The following DEGS1 variants were observed in gnomAD, a reference collection of about 807,000 sequenced individuals.
DEGS1 encodes the protein delta 4-desaturase, sphingolipid 1.
In DEGS1, 17 loss-of-function variants were observed where a neutral mutation model predicts 24.1. The ratio of observed to expected loss-of-function variants is 0.70; its 90% CI spans 0.48 to 1.06. The LOEUF is 1.06. DEGS1 is among the 50% of genes least tolerant of loss of function. The probability of loss-of-function intolerance (pLI) is 0.00; values close to 1 mark genes in which losing one functional copy is unlikely to be tolerated. For synonymous variants in DEGS1, 134 were observed against 140.0 expected, an observed-to-expected ratio of 0.96 and a Z score of 0.30; for missense variants, 366 against 408.9, an observed-to-expected ratio of 0.90 and a Z score of 0.91.
chr1:224,187,975 T>G (rs1658438181), intron 1 of DEGS1, among the ~76,000 whole-genome samples: 1 of 151,696 alleles, frequency 6.6e-6, no homozygotes, highest in African/African-American at 2.4e-5. Flanking sequence ...TTTTTTAATT[T>G]GTAGAGACAG....
At chr1:224,185,268 A>G (rs959596843) in intron 1 of DEGS1, among the ~76,000 whole-genome samples, 2 of 151,892 alleles carry the variant, frequency 1.3e-5, no homozygotes, top group African/African-American at 2.4e-5. Flanking sequence ...TGGGATTTTA[A>G]AGGCGTAAGC....
intron 1 of DEGS1, among the ~76,000 whole-genome samples, chr1:224,185,558 G>A (rs1005768004): frequency 2.0e-5 from 3 of 152,170 alleles, no homozygotes; most frequent in African/African-American, 4.8e-5. Flanking sequence ...GGAGTGCAGT[G>A]GCCCAGTCTC....
chr1:224,185,166 A>G (rs1460531802), intron 1 of DEGS1, among the ~76,000 whole-genome samples: 1 of 151,962 alleles, frequency 6.6e-6, no homozygotes, highest in Non-Finnish European at 1.5e-5. Flanking sequence ...TGATTTTTCT[A>G]TTTTTTGTAG....
At chr1:224,184,767 T>C (rs1036424316) in intron 1 of DEGS1, among the ~76,000 whole-genome samples, 5 of 152,064 alleles carry the variant, frequency 3.3e-5, no homozygotes, top group Non-Finnish European at 7.4e-5. Context: ...CCGCCCGCCT[T>C]GGCCTCCCGA....
intron 2 of DEGS1, 60 bp from the exon 3 acceptor site, chr1:224,192,272 C>T: frequency 3.4e-6 from 5 of 1,463,292 alleles, no homozygotes; most frequent in Non-Finnish European, 4.6e-6. Flanking sequence ...ATTCATCAGT[C>T]ATCTTTGAAA....
intron 2 of DEGS1, 141 bp from the exon 3 acceptor site, chr1:224,192,191 C>CT (rs1168182331): frequency 0.02 from 10,953 of 555,624 alleles, no homozygotes; most frequent in South Asian, 0.023. Flanking sequence ...GCTGCTGCTG[C>CT]TTTTTTTTTT....
rs1325805310 is a variant in DEGS1 at position 224,190,283 on chromosome 1, T to C, written c.789T>C (p.His263=). 6.7e-7 allele frequency: 1 copy of C among 1,494,134 alleles called. No homozygotes were observed. Among genetic ancestry groups the C allele is most frequent in the East Asian group, 2.3e-5 (1 of 43,052 alleles). 92.6% of individuals were successfully genotyped at this position (1,494,134 alleles called of 1,614,324 possible). A position where few individuals can be genotyped will look rare whatever the true frequency, so the allele number is the denominator to read the frequency against. ...ATGTGGGTTATCATAATGAACATCATGATTTCCCCAACATTCCTGGAAAAA... is the reference window on the plus strand; with the variant it reads ...ATGTGGGTTATCATAATGAACATCACGATTTCCCCAACATTCCTGGAAAAA... ...TFNVGYHNEH[H]DFPNIPGKSL... The change falls in exon 2 of 3, where the codon CAT becomes CAC. Residue 263 remains histidine, a synonymous_variant. Coordinates refer to ENST00000323699, the MANE Select transcript of DEGS1 (RefSeq NM_003676.4).
chr1:224,183,662 A>C (rs1001493513), intron 1 of DEGS1: 2 of 318,458 alleles, frequency 6.3e-6, no homozygotes, highest in Non-Finnish European at 1.1e-5. Flanking sequence ...GAAGAGGCGC[A>C]GGCGCGTCCC....
At chr1:224,190,654 C>T (rs912992051) in intron 2 of DEGS1, among the ~76,000 whole-genome samples, 2 of 151,298 alleles carry the variant, frequency 1.3e-5, no homozygotes, top group African/African-American at 4.9e-5. Context: ...TTCCAGCCTA[C>T]TTTTACAAAG....
intron 2 of DEGS1, 69 bp downstream of exon 2, chr1:224,190,388 C>T: frequency 7.3e-7 from 1 of 1,378,646 alleles, no homozygotes; most frequent in Non-Finnish European, 9.5e-7. Context: ...GACGGTGTCT[C>T]ACTCAGTCGC....
chr1:224,183,259 C>A lies in DEGS1; in HGVS notation c.-78C>A, dbSNP rs890891930. 4.3e-5 allele frequency: 51 copies of A among 1,189,072 alleles called. No individual in the cohort carries two copies. The African/African-American group carries it at 7.5e-4, about 18-fold the overall frequency. The allele number at this position is 1,189,072 out of a possible 1,614,324, so 73.7% of individuals were successfully genotyped here. ...GCCGACACCACACCAGCCGGGGAGC[C>A]GCCGCCGCCGCCGCCACCTCTGAGC... On this transcript the variant is annotated 5_prime_UTR_variant, in exon 1 of 3. Coordinates refer to ENST00000323699, the MANE Select transcript of DEGS1 (RefSeq NM_003676.4).
rs186356299 is a variant in DEGS1, at chr1:224,191,663, C to T, written c.826-669C>T. ...AGGCTGGAGTGCAGTGGCACAATCT[C>T]GGCTCACTGCAACCTCCGCCTCCCG... On this transcript the variant is annotated intron_variant, in intron 2 of 2. Coordinates refer to ENST00000323699, the MANE Select transcript of DEGS1 (RefSeq NM_003676.4). 3.3e-3 allele frequency among the ~76,000 whole-genome samples: 435 copies of T among 131,402 alleles called. 3 individuals carry two copies. The highest frequency in any genetic ancestry group is 0.011 in the African/African-American group (393 of 34,748). 86.2% of individuals were successfully genotyped at this position (131,402 alleles called of 152,430 possible). A position where few individuals can be genotyped will look rare whatever the true frequency, so the allele number is the denominator to read the frequency against.
chr1:224,190,392 C>G (rs993700263), intron 2 of DEGS1, 73 bp downstream of exon 2: 2 of 1,338,494 alleles, frequency 1.5e-6, no homozygotes, highest in African/African-American at 1.5e-5. Flanking sequence ...GTGTCTCACT[C>G]AGTCGCCCAG....
At chr1:224,186,712 CAAAAAAAA>C (rs34809195) in intron 1 of DEGS1, among the ~76,000 whole-genome samples, 2 of 79,874 alleles carry the variant, frequency 2.5e-5, no homozygotes, top group African/African-American at 4.9e-5. Flanking sequence ...GCCTCCGTCT[CAAAAAAAA>C]AAAAAAAAAA....
chr1:224,184,640 T>G (rs1357077949), intron 1 of DEGS1, among the ~76,000 whole-genome samples: 2 of 151,958 alleles, frequency 1.3e-5, no homozygotes, highest in African/African-American at 4.8e-5. Context: ...GCCTCCCGAG[T>G]AGCTGGGATT....
chr1:224,187,751 TCAC>T (rs1658432726), intron 1 of DEGS1, among the ~76,000 whole-genome samples: 1 of 152,128 alleles, frequency 6.6e-6, no homozygotes, highest in South Asian at 2.1e-4. Context: ...TGTGCAGCTG[TCAC>T]CACCATATAA....
Position 224,183,315 on chromosome 1 carries a change from T to C in DEGS1, c.-22T>C. The C allele has an allele frequency of 6.8e-7, 1 of 1,478,866 alleles. No homozygotes were observed. The highest frequency in any genetic ancestry group is 9.0e-7 in the Non-Finnish European group (1 of 1,112,898). The allele number at this position is 1,478,866 out of a possible 1,614,324, so 91.6% of individuals were successfully genotyped here. A position where few individuals can be genotyped will look rare whatever the true frequency, so the allele number is the denominator to read the frequency against. ...GCTGGGAGCGAGAGCCGACAGCTAG[T>C]CTGCAAGCCACCGCTGTCGCCATGG... On this transcript the variant is annotated 5_prime_UTR_variant, in exon 1 of 3. Coordinates refer to ENST00000323699, the MANE Select transcript of DEGS1 (RefSeq NM_003676.4).
chr1:224,183,383 A>G lies in DEGS1; in HGVS notation c.47A>G (p.Asp16Gly). The stretch of plus-strand genomic sequence containing the variant: ...GAAGACTTCGAGTGGGTCTACACCG[A>G]CCAGCCGCACGCCGACCGGCGCCGG... ...SREDFEWVYT[D>G]QPHADRRREI... The change falls in exon 1 of 3, where the codon GAC becomes GGC. Residue 16 changes from aspartate (D) to glycine (G), a missense_variant. Physicochemically the swap from Asp to Gly is moderately conservative, Grantham distance 94. Transcript: ENST00000323699. The G allele has an allele frequency of 2.1e-6, 3 of 1,442,008 alleles. No homozygotes were observed. Among genetic ancestry groups the G allele is most frequent in the Non-Finnish European group, 2.8e-6 (3 of 1,089,102 alleles). The allele number at this position is 1,442,008 out of a possible 1,614,324, so 89.3% of individuals were successfully genotyped here. A position where few individuals can be genotyped will look rare whatever the true frequency, so the allele number is the denominator to read the frequency against.
intron 1 of DEGS1, among the ~76,000 whole-genome samples, chr1:224,188,175 T>G (rs1043203903): frequency 6.6e-6 from 1 of 152,120 alleles, no homozygotes; most frequent in African/African-American, 2.4e-5. Context: ...GGAGGATCAC[T>G]TGAGTCCAGG....
Sources: allele counts gnomAD v4.1 joint callset (sites outside exome capture counted in the v4.1 genomes callset), GRCh38; gene constraint gnomAD v4.1.1; transcripts MANE v1.5; gene names NCBI Gene and HGNC (gene_info 2026-07-23, HGNC 2026-07-21).